The following WWOX variants were observed in gnomAD, a reference collection of about 807,000 sequenced individuals.
WWOX encodes WW domain containing oxidoreductase.
In WWOX, 69 loss-of-function variants were observed where a neutral mutation model predicts 46.2. The observed-to-expected ratio is 1.49, with a 90% CI of 1.23 to 1.82. The LOEUF (loss-of-function observed/expected upper bound fraction) is 1.82, where lower values mean the gene tolerates loss of function less well. WWOX is among the 40% of genes most tolerant of loss of function. The pLI is 0.00. For synonymous variants in WWOX, 359 were observed against 202.6 expected (o/e 1.77, Z -6.56); for missense variants, 919 against 542.6 (o/e 1.69, Z -6.89).
chr16:78,869,853 C>G (rs1260714939), intron 8 of WWOX, among the ~76,000 whole-genome samples: 2 of 152,184 alleles, frequency 1.3e-5, no homozygotes, highest in African/African-American at 2.4e-5. Context: ...ATGTTTATCT[C>G]CCTTTTACTC....
chr16:78,974,220 C>T (rs372714717), intron 8 of WWOX, among the ~76,000 whole-genome samples: 23 of 152,288 alleles, frequency 1.5e-4, no homozygotes, highest in African/African-American at 4.6e-4. Flanking sequence ...CTTCAGAGAA[C>T]GGATTCTTTT....
At position 78,923,937 on chromosome 16, in the gene WWOX, G is replaced by A. The variant is rs550764266; in HGVS notation, c.1057-287671G>A. ...GCCTCAGCCTCCCGAGCAGCTGGGA[G>A]TACAGGTGCCCGCCACCACGCCTGG... On this transcript the variant is annotated intron_variant, in intron 8 of 8. Transcript: ENST00000566780. Among the ~76,000 whole-genome samples, 73 of 151,586 alleles carry A rather than the reference G, an allele frequency of 4.8e-4. No homozygotes were observed. In the Middle Eastern group the frequency reaches 0.02, roughly 42 times the overall value.
chr16:78,419,207 C>G (rs936315449), intron 6 of WWOX, among the ~76,000 whole-genome samples: 7 of 152,070 alleles, frequency 4.6e-5, no homozygotes, highest in Non-Finnish European at 7.4e-5. Context: ...TATAGCTGAC[C>G]AAACTCTGCA....
At chr16:78,952,282 A>G (rs1262745349) in intron 8 of WWOX, among the ~76,000 whole-genome samples, 1 of 151,886 alleles carries the variant, frequency 6.6e-6, no homozygotes, top group Non-Finnish European at 1.5e-5. Flanking sequence ...GCCTTCCATG[A>G]CTGCATTAAA....
chr16:78,437,297 G>C (rs937430862), intron 8 of WWOX, among the ~76,000 whole-genome samples: 1 of 152,072 alleles, frequency 6.6e-6, no homozygotes, highest in African/African-American at 2.4e-5. Context: ...TCATGGAGTC[G>C]GGCTATTTTA....
At chr16:79,003,594 C>G (rs1462531885) in intron 8 of WWOX, among the ~76,000 whole-genome samples, 1 of 152,148 alleles carries the variant, frequency 6.6e-6, no homozygotes. Context: ...GGCAGGAGAG[C>G]TGGCCTTGGA....
intron 8 of WWOX, among the ~76,000 whole-genome samples, chr16:79,210,194 C>T (rs777085593): frequency 1.3e-5 from 2 of 152,208 alleles, no homozygotes; most frequent in Admixed American, 1.3e-4. Flanking sequence ...TTCAGACCAA[C>T]TCCATTGTTA....
chr16:78,155,094 A>G (rs916365338), intron 4 of WWOX, among the ~76,000 whole-genome samples: 2 of 152,154 alleles, frequency 1.3e-5, no homozygotes, highest in African/African-American at 2.4e-5. Flanking sequence ...GAGAAGCTAC[A>G]CATCTAGCTT....
chr16:79,090,698 C>T (rs1258494819), intron 8 of WWOX, among the ~76,000 whole-genome samples: 1 of 152,152 alleles, frequency 6.6e-6, no homozygotes, highest in African/African-American at 2.4e-5. Context: ...TATCAAGGTC[C>T]CGAGTGAGGC....
chr16:78,178,032 A>C (rs1232648587), intron 5 of WWOX, among the ~76,000 whole-genome samples: 2 of 152,234 alleles, frequency 1.3e-5, no homozygotes, highest in Non-Finnish European at 2.9e-5. Flanking sequence ...CCATGAAAAC[A>C]GACATGTGTT....
At chr16:78,392,225 C>A (rs964024812) in intron 6 of WWOX, among the ~76,000 whole-genome samples, 1 of 152,056 alleles carries the variant, frequency 6.6e-6, no homozygotes, top group Admixed American at 6.6e-5. Flanking sequence ...GGTCCTCCCC[C>A]TGTCAGATCA....
intron 8 of WWOX, among the ~76,000 whole-genome samples, chr16:78,809,619 C>T (rs2293894): frequency 6.6e-6 from 1 of 151,984 alleles, no homozygotes; most frequent in Non-Finnish European, 1.5e-5. Context: ...TTCAGAAACT[C>T]CAGAAATTTA....
intron 8 of WWOX, among the ~76,000 whole-genome samples, chr16:79,154,114 A>C (rs1483594391): frequency 6.6e-6 from 1 of 152,244 alleles, no homozygotes. Context: ...TTTAAAAACA[A>C]GTTCTCATCT....
At chr16:78,815,388 C>A (rs189772937) in intron 8 of WWOX, among the ~76,000 whole-genome samples, 1 of 152,200 alleles carries the variant, frequency 6.6e-6, no homozygotes, top group Non-Finnish European at 1.5e-5. Context: ...GCTGTTCCTG[C>A]TGTTACTAAC....
At chr16:78,246,503 T>A (rs1274080233) in intron 5 of WWOX, among the ~76,000 whole-genome samples, 1 of 152,210 alleles carries the variant, frequency 6.6e-6, no homozygotes, top group Admixed American at 6.5e-5. Context: ...AAGGCATCTT[T>A]CAGTGCCATT....
At chr16:78,146,239 G>T (rs1233627191) in intron 4 of WWOX, among the ~76,000 whole-genome samples, 1 of 152,078 alleles carries the variant, frequency 6.6e-6, no homozygotes, top group Non-Finnish European at 1.5e-5. Context: ...CCTCTGCCTG[G>T]CAAGCCGTGC....
intron 8 of WWOX, among the ~76,000 whole-genome samples, chr16:78,974,501 A>T (rs1385524268): frequency 6.6e-6 from 1 of 152,212 alleles, no homozygotes; most frequent in Non-Finnish European, 1.5e-5. Context: ...TTATGATGTG[A>T]TGAATCCGTC....
chr16:78,285,634 C>CA (rs1268878813), intron 5 of WWOX, among the ~76,000 whole-genome samples: 1 of 152,076 alleles, frequency 6.6e-6, no homozygotes, highest in Admixed American at 6.5e-5. Flanking sequence ...TGCCTTTAGC[C>CA]AGTAGGTAAG....
intron 8 of WWOX, among the ~76,000 whole-genome samples, chr16:78,811,533 C>A (rs1215636481): frequency 6.6e-6 from 1 of 151,508 alleles, no homozygotes; most frequent in Non-Finnish European, 1.5e-5. Context: ...CTCTCTCTTT[C>A]CCCCTTTTTG....
Sources: allele counts gnomAD v4.1 joint callset (sites outside exome capture counted in the v4.1 genomes callset), GRCh38; gene constraint gnomAD v4.1.1; transcripts MANE v1.5; gene names NCBI Gene and HGNC (gene_info 2026-07-23, HGNC 2026-07-21).